Variants in KCNQ3 observed in about 807,000 individuals in gnomAD.
The protein encoded by KCNQ3 is potassium voltage-gated channel subfamily KQT member 3.
KCNQ3 carries 30 observed loss-of-function variants against 92.5 expected under a neutral mutation model. The observed-to-expected ratio is 0.32, with a 90% CI of 0.24 to 0.44. KCNQ3 has a LOEUF of 0.44. KCNQ3 is among the 20% of genes least tolerant of loss of function. The pLI is 1.00. For missense variants in KCNQ3, 913 were observed against 1,140.3 expected (o/e 0.80, Z 2.87); for synonymous variants, 450 against 468.8 (o/e 0.96, Z 0.52).
chr8:132,332,241 T>G (rs1293822995), intron 1 of KCNQ3, among the ~76,000 whole-genome samples: 2 of 152,176 alleles, frequency 1.3e-5, no homozygotes, highest in Non-Finnish European at 2.9e-5. Flanking sequence ...CGAGTGAGCC[T>G]GGAAGCAGAC....
At chr8:132,371,154 T>A (rs1341483884) in intron 1 of KCNQ3, among the ~76,000 whole-genome samples, 1 of 152,220 alleles carries the variant, frequency 6.6e-6, no homozygotes, top group Non-Finnish European at 1.5e-5. Flanking sequence ...AACCTTGCCT[T>A]ATCTACCCTC....
chr8:132,447,808 G>A (rs1821722732), intron 1 of KCNQ3, among the ~76,000 whole-genome samples: 1 of 152,150 alleles, frequency 6.6e-6, no homozygotes, highest in African/African-American at 2.4e-5. Context: ...ATATATGTAT[G>A]TATTCCTCTG....
rs1450378580 is a variant in KCNQ3, at chr8:132,339,356, C to T, written c.386+140791G>A. 5.9e-5 allele frequency among the ~76,000 whole-genome samples: 9 copies of T among 152,064 alleles called. 1 individual carries two copies. Among genetic ancestry groups the T allele is most frequent in the Admixed American group, 5.2e-4 (8 of 15,270 alleles). ...TCGAACTGGGCAATCTAGAGGACCC[C>T]CTCACCCTTCAAAAATCTAAATTAT... On this transcript the variant is annotated intron_variant, in intron 1 of 14. Coordinates refer to ENST00000388996, the MANE Select transcript of KCNQ3 (RefSeq NM_004519.4).
At chr8:132,401,352 C>T (rs1820327116) in intron 1 of KCNQ3, among the ~76,000 whole-genome samples, 1 of 151,810 alleles carries the variant, frequency 6.6e-6, no homozygotes, top group African/African-American at 2.4e-5. Flanking sequence ...ACGGATCCTA[C>T]AAATGCCAAT....
At chr8:132,167,717 C>T (rs890785490) in intron 8 of KCNQ3, among the ~76,000 whole-genome samples, 7 of 152,348 alleles carry the variant, frequency 4.6e-5, no homozygotes, top group Admixed American at 1.3e-4. Context: ...AAACCATTCT[C>T]ATATCACAGC....
Position 132,199,285 on chromosome 8 carries a change from A to G in KCNQ3, c.387-13104T>C, listed in dbSNP as rs143536930. On this transcript the variant is annotated intron_variant, in intron 1 of 14. Coordinates refer to ENST00000388996, the MANE Select transcript of KCNQ3 (RefSeq NM_004519.4). The stretch of plus-strand genomic sequence containing the variant: ...AAAATAAAATGTAAAGTCATATTGT[A>G]TTATATAATTTGGCATTAAGAGCAT... Among the ~76,000 whole-genome samples, 630 of 152,344 alleles carry G rather than the reference A, an allele frequency of 4.1e-3. 13 individuals carry two copies. Among genetic ancestry groups the G allele is most frequent in the Admixed American group, 0.036 (556 of 15,292 alleles).
intron 1 of KCNQ3, among the ~76,000 whole-genome samples, chr8:132,452,578 T>C (rs1821846871): frequency 6.6e-6 from 1 of 152,182 alleles, no homozygotes; most frequent in Admixed American, 6.5e-5. Context: ...GTTCAGCAGC[T>C]GAGCATCTTG....
intron 1 of KCNQ3, among the ~76,000 whole-genome samples, chr8:132,234,482 T>C (rs1474297704): frequency 6.6e-6 from 1 of 151,736 alleles, no homozygotes; most frequent in Non-Finnish European, 1.5e-5. Flanking sequence ...TGGGGCTACC[T>C]TCTGCGGGTG....
At chr8:132,437,638 A>G (rs984418603) in intron 1 of KCNQ3, among the ~76,000 whole-genome samples, 18 of 152,200 alleles carry the variant, frequency 1.2e-4, no homozygotes, top group African/African-American at 3.6e-4. Context: ...TGATGCCTCT[A>G]TACACTCTAA....
intron 1 of KCNQ3, among the ~76,000 whole-genome samples, chr8:132,275,304 A>C (rs1404801014): frequency 3.3e-5 from 5 of 152,214 alleles, no homozygotes; most frequent in Non-Finnish European, 4.4e-5. Flanking sequence ...CACATTATAA[A>C]TGTGAATGAA....
intron 8 of KCNQ3, among the ~76,000 whole-genome samples, chr8:132,167,471 G>T (rs969414703): frequency 6.6e-6 from 1 of 152,178 alleles, no homozygotes; most frequent in Non-Finnish European, 1.5e-5. Context: ...CAAGAAAGTT[G>T]TTATTAAAAC....
chr8:132,388,035 G>A (rs2721914), intron 1 of KCNQ3, among the ~76,000 whole-genome samples: 14 of 109,354 alleles, frequency 1.3e-4, no homozygotes, highest in African/African-American at 4.4e-4. Flanking sequence ...AAGAAGAAGA[G>A]GAAGAGGAAG....
intron 1 of KCNQ3, among the ~76,000 whole-genome samples, chr8:132,347,470 C>T (rs1256253539): frequency 1.3e-5 from 2 of 152,048 alleles, no homozygotes; most frequent in Non-Finnish European, 2.9e-5. Context: ...GAATTATTTG[C>T]TAGCGGGGGA....
intron 1 of KCNQ3, among the ~76,000 whole-genome samples, chr8:132,397,719 C>T (rs951395014): frequency 1.3e-5 from 2 of 152,066 alleles, no homozygotes; most frequent in Non-Finnish European, 2.9e-5. Context: ...AAAGTCTTTT[C>T]CCTTCATTAA....
chr8:132,261,226 A>G (rs1815775474), intron 1 of KCNQ3, among the ~76,000 whole-genome samples: 2 of 152,132 alleles, frequency 1.3e-5, no homozygotes, highest in South Asian at 4.1e-4. Context: ...ATCTGTTTGG[A>G]TGTATTGGTT....
At chr8:132,254,784 C>A (rs1815527439) in intron 1 of KCNQ3, among the ~76,000 whole-genome samples, 1 of 152,074 alleles carries the variant, frequency 6.6e-6, no homozygotes, top group African/African-American at 2.4e-5. Flanking sequence ...GAGGCTGAGG[C>A]AGGAGAATCA....
At chr8:132,237,593 C>T (rs1814858622) in intron 1 of KCNQ3, among the ~76,000 whole-genome samples, 1 of 152,186 alleles carries the variant, frequency 6.6e-6, no homozygotes, top group Middle Eastern at 3.4e-3. Flanking sequence ...AAGGGCTTCA[C>T]AGAAAAGGAA....
chr8:132,421,986 G>A (rs911122708), intron 1 of KCNQ3, among the ~76,000 whole-genome samples: 11 of 152,104 alleles, frequency 7.2e-5, no homozygotes, highest in Admixed American at 5.2e-4. Context: ...TGCTGGGGCT[G>A]CACCATCAGT....
intron 1 of KCNQ3, among the ~76,000 whole-genome samples, chr8:132,433,822 G>A (rs972195007): frequency 3.3e-5 from 5 of 152,128 alleles, no homozygotes; most frequent in South Asian, 2.1e-4. Context: ...CCCAGGAGGC[G>A]GAGGTTGCAG....
Sources: allele counts gnomAD v4.1 joint callset (sites outside exome capture counted in the v4.1 genomes callset), GRCh38; gene constraint gnomAD v4.1.1; transcripts MANE v1.5; gene names NCBI Gene and HGNC (gene_info 2026-07-23, HGNC 2026-07-21).